Variants in CCDC102B observed in about 807,000 individuals in gnomAD.
The protein encoded by CCDC102B is coiled-coil domain-containing protein 102B.
Under a neutral mutation model 57.4 loss-of-function variants are expected in CCDC102B, and 75 were observed. That is an observed-to-expected ratio of 1.31 (90% CI 1.08 to 1.58). The LOEUF is 1.58. Ranked by LOEUF, CCDC102B falls within the 40% of genes most tolerant of loss-of-function variation. The pLI is 0.00. For synonymous variants in CCDC102B, 206 were observed against 201.9 expected, an observed-to-expected ratio of 1.02 and a Z score of -0.17; for missense variants, 636 against 582.6, an observed-to-expected ratio of 1.09 and a Z score of -0.94.
chr18:68,829,052 T>G (rs1384885037), intron 1 of CCDC102B, among the ~76,000 whole-genome samples: 1 of 151,954 alleles, frequency 6.6e-6, no homozygotes, highest in Non-Finnish European at 1.5e-5. Flanking sequence ...CTTGCCCATC[T>G]TTCCTACATG....
chr18:68,795,192 A>G (rs117896399), upstream of CCDC102B, among the ~76,000 whole-genome samples: 1,155 of 152,238 alleles, frequency 7.6e-3, 11 homozygotes, highest in Non-Finnish European at 0.013. Context: ...TTCTAGATTG[A>G]GAGACTGGAT....
intron 7 of CCDC102B, among the ~76,000 whole-genome samples, chr18:69,021,693 A>T (rs1030312691): frequency 6.6e-6 from 1 of 152,160 alleles, no homozygotes; most frequent in South Asian, 2.1e-4. Flanking sequence ...ATTTGGGATT[A>T]TTCCTTTTAA....
intron 1 of CCDC102B, among the ~76,000 whole-genome samples, chr18:68,816,697 A>G (rs2036495960): frequency 6.6e-6 from 1 of 151,722 alleles, no homozygotes; most frequent in Non-Finnish European, 1.5e-5. Flanking sequence ...ATAACCTGAC[A>G]TCGTGATCCG....
intron 6 of CCDC102B, among the ~76,000 whole-genome samples, chr18:68,938,670 A>G (rs2049305328): frequency 6.6e-6 from 1 of 151,502 alleles, no homozygotes; most frequent in Non-Finnish European, 1.5e-5. Flanking sequence ...GATATCATTG[A>G]TTTTCCCAGA....
At chr18:68,861,378 A>G (rs9957319) in intron 4 of CCDC102B, among the ~76,000 whole-genome samples, 54,855 of 151,706 alleles carry the variant, frequency 0.36, 10,587 homozygotes, top group East Asian at 0.66. Flanking sequence ...GCTTGTCATT[A>G]TGAATTTTAC....
chr18:68,773,605 G>T (rs1599440041), intron 2 of CCDC102B, among the ~76,000 whole-genome samples: 1 of 151,762 alleles, frequency 6.6e-6, no homozygotes, highest in Non-Finnish European at 1.5e-5. Flanking sequence ...AATTTTATTT[G>T]TTAAAATTGA....
At chr18:68,909,115 T>G (rs1329875143) in intron 6 of CCDC102B, among the ~76,000 whole-genome samples, 1 of 83,114 alleles carries the variant, frequency 1.2e-5, no homozygotes, top group South Asian at 3.2e-4. Context: ...GAATGACAGA[T>G]GAAACACAGA....
intron 6 of CCDC102B, among the ~76,000 whole-genome samples, chr18:68,903,975 A>G (rs2040538236): frequency 6.6e-6 from 1 of 152,216 alleles, no homozygotes; most frequent in Non-Finnish European, 1.5e-5. Flanking sequence ...GGCTTCAAAA[A>G]TAGTTTATTT....
intron 2 of CCDC102B, chr18:68,754,257 C>T (rs1433795234): frequency 6.6e-6 from 1 of 152,030 alleles, no homozygotes; most frequent in Non-Finnish European, 1.5e-5. Context: ...TTTAAACATC[C>T]AGTAGATTAA....
At chr18:68,908,946 A>T (rs1045739928) in intron 6 of CCDC102B, among the ~76,000 whole-genome samples, 1 of 152,146 alleles carries the variant, frequency 6.6e-6, no homozygotes, top group Non-Finnish European at 1.5e-5. Context: ...ATCAATTTTT[A>T]TATACCTTCT....
chr18:68,842,659 C>T (rs920239353), intron 3 of CCDC102B, among the ~76,000 whole-genome samples: 10 of 152,064 alleles, frequency 6.6e-5, no homozygotes, highest in Non-Finnish European at 1.5e-5. Context: ...CCAGAGGCAG[C>T]GGTGGCCTCT....
At chr18:68,901,473 A>C (rs983452568) in intron 6 of CCDC102B, among the ~76,000 whole-genome samples, 1 of 152,120 alleles carries the variant, frequency 6.6e-6, no homozygotes, top group East Asian at 1.9e-4. Context: ...TCTGGCTTAC[A>C]TGGACAGAAG....
chr18:69,010,133 G>A (rs1268843953), intron 6 of CCDC102B, among the ~76,000 whole-genome samples: 22 of 135,782 alleles, frequency 1.6e-4, no homozygotes, highest in Non-Finnish European at 2.8e-4. Context: ...TAGTAGAGAC[G>A]GAGTTTCACC....
At chr18:68,770,134 G>A (rs921334264) in intron 2 of CCDC102B, among the ~76,000 whole-genome samples, 2 of 152,174 alleles carry the variant, frequency 1.3e-5, no homozygotes, top group African/African-American at 4.8e-5. Flanking sequence ...GATGACTATA[G>A]TGGCTCCTCT....
intron 2 of CCDC102B, among the ~76,000 whole-genome samples, chr18:68,769,567 C>G (rs1033342457): frequency 7.2e-5 from 11 of 152,216 alleles, no homozygotes; most frequent in African/African-American, 1.9e-4. Context: ...CCAATCAAAG[C>G]CTTGGGCTCT....
intron 7 of CCDC102B, among the ~76,000 whole-genome samples, chr18:69,039,508 A>G (rs1457438004): frequency 2.0e-5 from 3 of 151,900 alleles, no homozygotes; most frequent in African/African-American, 7.2e-5. Context: ...TGTTGGTACC[A>G]TGAGATATTA....
chr18:68,973,119 C>G (rs2050343788), intron 6 of CCDC102B, among the ~76,000 whole-genome samples: 1 of 152,060 alleles, frequency 6.6e-6, no homozygotes, highest in Non-Finnish European at 1.5e-5. Context: ...CATGGAGGTC[C>G]TTAATCCTTA....
intron 2 of CCDC102B, among the ~76,000 whole-genome samples, chr18:68,765,754 CATT>C (rs2034450513): frequency 6.6e-6 from 1 of 152,100 alleles, no homozygotes; most frequent in Non-Finnish European, 1.5e-5. Context: ...CAGATATAAT[CATT>C]ACTTAATATT....
intron 6 of CCDC102B, among the ~76,000 whole-genome samples, chr18:68,986,911 A>T (rs2050739455): frequency 6.6e-6 from 1 of 152,204 alleles, no homozygotes; most frequent in South Asian, 2.1e-4. Context: ...CACTGCTGAA[A>T]GAAATCAGAG....
Sources: allele counts gnomAD v4.1 joint callset (sites outside exome capture counted in the v4.1 genomes callset), GRCh38; gene constraint gnomAD v4.1.1; transcripts MANE v1.5; gene names NCBI Gene and HGNC (gene_info 2026-07-23, HGNC 2026-07-21).